The following AK7 variants were observed in gnomAD, a reference collection of about 807,000 sequenced individuals.
The protein encoded by AK7 is ATP-AMP transphosphorylase 7.
In AK7, 78 loss-of-function variants were observed where a neutral mutation model predicts 96.6. The observed-to-expected ratio is 0.81, with a 90% CI of 0.67 to 0.97. The LOEUF is 0.97. AK7 is among the 50% of genes least tolerant of loss of function. The pLI is 0.00. For missense variants in AK7, 855 were observed against 887.9 expected (o/e 0.96, Z 0.47); for synonymous variants, 302 against 317.2 (o/e 0.95, Z 0.51).
In AK7 at chr14:96,393,598, G is replaced by A. The variant is rs118061939; in HGVS notation, c.105+1339G>A. Reference sequence around the variant, plus strand: ...CCAATCTCTGCCACCTTCTTCACATGGTGTTCTCTCCCCTGTGTCTCTGTG... The same window carrying A: ...CCAATCTCTGCCACCTTCTTCACATAGTGTTCTCTCCCCTGTGTCTCTGTG... On this transcript the variant is annotated intron_variant, in intron 1 of 17. Transcript: ENST00000267584. Among the ~76,000 whole-genome samples, 608 of 152,080 alleles carry A rather than the reference G, an allele frequency of 4.0e-3. 22 individuals are homozygous for A. The South Asian group carries it at 0.058, about 15-fold the overall frequency.
intron 4 of AK7, 67 bp downstream of exon 4, chr14:96,409,008 A>G: frequency 1.3e-6 from 2 of 1,517,890 alleles, no homozygotes; most frequent in East Asian, 2.3e-5. Context: ...CTGTGTGTGG[A>G]GGGAACTTCC....
At chr14:96,448,017 T>C (rs1037578292) in intron 8 of AK7, among the ~76,000 whole-genome samples, 1 of 150,924 alleles carries the variant, frequency 6.6e-6, no homozygotes, top group South Asian at 2.1e-4. Flanking sequence ...TAGTCCCAGA[T>C]ACTCAGGAGG....
At chr14:96,424,484 A>G (rs565447291) in intron 5 of AK7, among the ~76,000 whole-genome samples, 1 of 152,326 alleles carries the variant, frequency 6.6e-6, no homozygotes, top group Admixed American at 6.5e-5. Flanking sequence ...TATCATCCTC[A>G]TATAACTTGG....
intron 1 of AK7, among the ~76,000 whole-genome samples, chr14:96,393,290 A>G (rs1889863400): frequency 6.6e-6 from 1 of 152,222 alleles, no homozygotes; most frequent in Non-Finnish European, 1.5e-5. Flanking sequence ...CTCTGAGGCT[A>G]ATGACTGCAC....
chr14:96,394,189 C>T (rs146665226), intron 1 of AK7, among the ~76,000 whole-genome samples: 2 of 151,888 alleles, frequency 1.3e-5, no homozygotes, highest in Non-Finnish European at 2.9e-5. Context: ...TCAGAGGGCA[C>T]AGCAAAAGCA....
intron 2 of AK7, 61 bp downstream of exon 2, chr14:96,398,324 GC>G: frequency 6.4e-7 from 1 of 1,566,558 alleles, no homozygotes; most frequent in Middle Eastern, 2.3e-4. Flanking sequence ...CCGCTCCAAC[GC>G]CTTGACAACT....
In AK7 at chr14:96,420,820, A is replaced by G. The variant is rs1402050332; in HGVS notation, c.499-2A>G. ...GTACCTTTTCTTTCTTTCTTATAAT[A>G]GGAGGATTCTGAGGTTCCATTCACT... is the stretch of plus-strand genomic sequence containing the variant. On this transcript the variant is annotated splice_acceptor_variant, in intron 4 of 17. Coordinates refer to ENST00000267584, the MANE Select transcript of AK7 (RefSeq NM_152327.5). LOFTEE classifies it high-confidence loss of function. The G allele has an allele frequency of 4.4e-6, 7 of 1,600,162 alleles. No homozygotes were observed. The South Asian group carries it at 7.7e-5, about 18-fold the overall frequency.
chr14:96,459,563 GA>G (rs575109734), intron 12 of AK7, among the ~76,000 whole-genome samples: 1 of 151,886 alleles, frequency 6.6e-6, no homozygotes, highest in African/African-American at 2.4e-5. Flanking sequence ...ATCCTTAATA[GA>G]AAAAAATGGA....
At chr14:96,430,426 G>A (rs530859499) in intron 5 of AK7, among the ~76,000 whole-genome samples, 67 of 152,138 alleles carry the variant, frequency 4.4e-4, no homozygotes, top group African/African-American at 1.6e-3. Context: ...CTGACCTCGT[G>A]ATCCGCCCAC....
intron 12 of AK7, among the ~76,000 whole-genome samples, chr14:96,466,589 T>G (rs1478846065): frequency 6.6e-6 from 1 of 151,636 alleles, no homozygotes; most frequent in Non-Finnish European, 1.5e-5. Context: ...CCTAGGCTGG[T>G]CTTGAACTCC....
intron 11 of AK7, among the ~76,000 whole-genome samples, chr14:96,457,770 C>A (rs1006460443): frequency 6.6e-6 from 1 of 152,184 alleles, no homozygotes; most frequent in African/African-American, 2.4e-5. Flanking sequence ...GTCTTGATTT[C>A]TGCAACATGT....
At chr14:96,400,982 G>A (rs1890376370) in intron 2 of AK7, among the ~76,000 whole-genome samples, 1 of 152,144 alleles carries the variant, frequency 6.6e-6, no homozygotes, top group African/African-American at 2.4e-5. Flanking sequence ...GAGAGCTGTG[G>A]GCTCTTCCCT....
At chr14:96,441,457 G>A (rs1331315999) in intron 6 of AK7, among the ~76,000 whole-genome samples, 4 of 151,858 alleles carry the variant, frequency 2.6e-5, no homozygotes, top group African/African-American at 7.3e-5. Flanking sequence ...TGGCCAACAT[G>A]GTGAAATCCC....
chr14:96,438,037 C>T lies in AK7; in HGVS notation c.690+122C>T, dbSNP rs1317685566. 11 of 709,842 alleles carry T rather than the reference C, an allele frequency of 1.5e-5. No homozygotes were observed. The highest frequency in any genetic ancestry group is 2.5e-4 in the Middle Eastern group (1 of 4,064). The allele number at this position is 709,842 out of a possible 1,614,324, so 44.0% of individuals were successfully genotyped here. On this transcript the variant is annotated intron_variant, in intron 6 of 17. Transcript: ENST00000267584. ...GCAGTAGAATAGCAGAAGATGAAGG[C>T]AAGTATGGATGTCACCACAAAGACC...
chr14:96,394,330 G>A (rs1036944091), intron 1 of AK7, among the ~76,000 whole-genome samples: 1 of 152,136 alleles, frequency 6.6e-6, no homozygotes, highest in South Asian at 2.1e-4. Flanking sequence ...AGACTTTTAG[G>A]GGCCCACAAA....
intron 4 of AK7, among the ~76,000 whole-genome samples, chr14:96,420,587 G>A (rs1000767484): frequency 3.9e-5 from 6 of 151,904 alleles, no homozygotes; most frequent in Non-Finnish European, 7.4e-5. Context: ...GGCCAGACTC[G>A]GTGGTTCATG....
chr14:96,457,341 G>A (rs1893987293), intron 11 of AK7, among the ~76,000 whole-genome samples: 2 of 152,158 alleles, frequency 1.3e-5, no homozygotes, highest in African/African-American at 4.8e-5. Flanking sequence ...GATTACAAGT[G>A]TGAGCCACCG....
In AK7 at chr14:96,471,465, G is replaced by T. The variant is rs1894882088; in HGVS notation, c.1358-13G>T. 1.5e-6 allele frequency: 2 copies of T among 1,331,036 alleles called. No homozygotes were observed. The highest frequency in any genetic ancestry group is 1.0e-6 in the Non-Finnish European group (1 of 972,100). The allele number at this position is 1,331,036 out of a possible 1,614,324, so 82.5% of individuals were successfully genotyped here. On this transcript the variant is annotated splice_polypyrimidine_tract_variant and intron_variant, in intron 12 of 17. Transcript: ENST00000267584. ...CATTATAAGTAATATATACATATAT[G>T]TTTTTTTATCAGGTCAACTAGACGA...
chr14:96,448,501 A>G (rs1314283923), intron 8 of AK7, among the ~76,000 whole-genome samples: 1 of 151,784 alleles, frequency 6.6e-6, no homozygotes, highest in Non-Finnish European at 1.5e-5. Context: ...TTGGTGGTGC[A>G]CATCTATAGT....
Sources: allele counts gnomAD v4.1 joint callset (sites outside exome capture counted in the v4.1 genomes callset), GRCh38; gene constraint gnomAD v4.1.1; transcripts MANE v1.5; gene names NCBI Gene and HGNC (gene_info 2026-07-23, HGNC 2026-07-21).